Variants in NIPBL observed in about 807,000 individuals in gnomAD.
NIPBL encodes the protein nipped-B-like protein.
A neutral mutation model predicts 321.8 loss-of-function variants in NIPBL; 19 were observed. The observed-to-expected ratio is 0.06, with a 90% confidence interval of 0.04 to 0.09. NIPBL has a LOEUF of 0.09. Among genes scored for constraint, NIPBL ranks in the 10% least tolerant of loss-of-function variants. NIPBL has a pLI of 1.00. For missense variants in NIPBL, 2,210 were observed against 3,327.0 expected, an observed-to-expected ratio of 0.66 and a Z score of 8.26; for synonymous variants, 1,106 against 1,114.1, an observed-to-expected ratio of 0.99 and a Z score of 0.14.
chr5:37,013,034 C>A (rs112124808), intron 21 of NIPBL, among the ~76,000 whole-genome samples: 2 of 145,840 alleles, frequency 1.4e-5, no homozygotes, highest in African/African-American at 5.2e-5. Context: ...ACCTCCCGGA[C>A]GGGGGGCTGA....
intron 32 of NIPBL, among the ~76,000 whole-genome samples, 191 bp downstream of exon 32, chr5:37,027,603 G>GTTTTTTT (rs781358128): frequency 6.7e-4 from 47 of 69,758 alleles, no homozygotes; most frequent in Middle Eastern, 0.019. Context: ...CCTGGTTGTG[G>GTTTTTTT]TTTTTTTTTT....
At chr5:36,932,050 T>C (rs894314036) in intron 1 of NIPBL, among the ~76,000 whole-genome samples, 5 of 152,200 alleles carry the variant, frequency 3.3e-5, no homozygotes, top group Non-Finnish European at 5.9e-5. Context: ...CTTTGACCCA[T>C]TGATTTTCTC....
In NIPBL at chr5:37,015,460, T is replaced by TG. The variant is rs953159762; in HGVS notation, c.4644-577dup. 2.6e-4 allele frequency among the ~76,000 whole-genome samples: 39 copies of TG among 151,672 alleles called. 1 individual carries two copies. The highest frequency in any genetic ancestry group is 2.3e-3 in the Admixed American group (35 of 15,242). On this transcript the variant is annotated intron_variant, in intron 22 of 46. Transcript: ENST00000282516. Reference sequence around the variant, plus strand: ...AGAATTTATGATGACCTTGGCCAGGTGTGGTGGCTCACACCTGTAATCCCA... The same window carrying TG: ...AGAATTTATGATGACCTTGGCCAGGTGGTGGTGGCTCACACCTGTAATCCCA...
At chr5:36,977,088 G>A (rs566978520) in intron 9 of NIPBL, among the ~76,000 whole-genome samples, 1 of 152,072 alleles carries the variant, frequency 6.6e-6, no homozygotes, top group African/African-American at 2.4e-5. Flanking sequence ...TTCATAGTAA[G>A]TTCTTAGTAA....
Position 36,996,772 on chromosome 5 carries a change from A to G in NIPBL, c.3304+968A>G. On this transcript the variant is annotated intron_variant, in intron 11 of 46. Transcript: ENST00000282516. This position sits in a 1 kb window ranked among gnomAD's most constrained non-coding sequence, Gnocchi z 5.0. Reference sequence around the variant, plus strand: ...AGACCACCAGTGTTCTACTTTTTCCACCTAGTGTCCATAGATTGAGGTGTG... The same window carrying G: ...AGACCACCAGTGTTCTACTTTTTCCGCCTAGTGTCCATAGATTGAGGTGTG... 4.0e-6 allele frequency: 1 copy of G among 247,512 alleles called. No individual in the cohort carries two copies. Among genetic ancestry groups the G allele is most frequent in the Non-Finnish European group, 8.1e-6 (1 of 123,106 alleles). 15.3% of individuals were successfully genotyped at this position (247,512 alleles called of 1,614,324 possible). A position where few individuals can be genotyped will look rare whatever the true frequency, so the allele number is the denominator to read the frequency against.
chr5:36,976,464 A>C, intron 9 of NIPBL, 62 bp downstream of exon 9: 1 of 1,565,160 alleles, frequency 6.4e-7, no homozygotes, highest in Non-Finnish European at 8.6e-7. Context: ...TAGTGTCAAA[A>C]ATTTTTTTCA....
At chr5:36,988,671 A>G (rs769057378) in intron 10 of NIPBL, among the ~76,000 whole-genome samples, 1 of 152,172 alleles carries the variant, frequency 6.6e-6, no homozygotes, top group Admixed American at 6.5e-5. Flanking sequence ...GGAGATTCAC[A>G]GAAAATCACA....
At chr5:36,968,785 G>A (rs1225770289) in intron 6 of NIPBL, among the ~76,000 whole-genome samples, 1 of 152,186 alleles carries the variant, frequency 6.6e-6, no homozygotes, top group African/African-American at 2.4e-5. Flanking sequence ...AACAGGCCAT[G>A]AATGCCTATA....
Position 37,044,344 on chromosome 5 carries a change from T to C in NIPBL, c.6109-3T>C, listed in dbSNP as rs145778995. The C allele has an allele frequency of 5.5e-3, 8,794 of 1,613,020 alleles. 35 individuals carry two copies. The highest frequency in any genetic ancestry group is 6.3e-3 in the Non-Finnish European group (7,415 of 1,179,210). ...TCATAAAGCATTAATTTTATTCTTA[T>C]AGACGCAAAATGATTTCATGGTTAT... On this transcript the variant is annotated splice_region_variant and splice_polypyrimidine_tract_variant and intron_variant, in intron 34 of 46. Coordinates refer to ENST00000282516, the MANE Select transcript of NIPBL (RefSeq NM_133433.4).
intron 1 of NIPBL, among the ~76,000 whole-genome samples, chr5:36,898,584 T>G (rs544390841): frequency 6.7e-6 from 1 of 150,238 alleles, no homozygotes; most frequent in East Asian, 2.0e-4. Context: ...CGATCTCAGC[T>G]CACCACAACC....
At chr5:36,955,392 T>A in intron 2 of NIPBL, 80 bp from the exon 3 acceptor site, 1 of 1,213,648 alleles carries the variant, frequency 8.2e-7, no homozygotes, top group Admixed American at 1.7e-5. Context: ...TAACTTACTT[T>A]TAATCCCAAA....
At chr5:36,958,679 T>C (rs1284495496) in intron 4 of NIPBL, among the ~76,000 whole-genome samples, 1 of 152,140 alleles carries the variant, frequency 6.6e-6, no homozygotes, top group Non-Finnish European at 1.5e-5. Context: ...GGTTAAGTAT[T>C]ATTATTAAAG....
intron 20 of NIPBL, among the ~76,000 whole-genome samples, chr5:37,009,809 A>T (rs1317130617): frequency 6.6e-6 from 1 of 152,244 alleles, no homozygotes; most frequent in African/African-American, 2.4e-5. Context: ...AATGTTTAGT[A>T]GTAGTATGAA....
chr5:37,008,738 C>CA lies in NIPBL; in HGVS notation c.4421+16dup. The CA allele has an allele frequency of 7.7e-7, 1 of 1,306,030 alleles. No individual in the cohort carries two copies. Among genetic ancestry groups the CA allele is most frequent in the Non-Finnish European group, 1.1e-6 (1 of 899,192 alleles). The allele number at this position is 1,306,030 out of a possible 1,614,324, so 80.9% of individuals were successfully genotyped here. On this transcript the variant is annotated intron_variant, in intron 20 of 46. Transcript: ENST00000282516. ...AGGAACTTCAGGTAATTAATTATAA[C>CA]AGAGGTCAAGTTTAATGAAGAACCA... is the stretch of plus-strand genomic sequence containing the variant.
At chr5:36,988,231 C>T (rs1338670045) in intron 10 of NIPBL, among the ~76,000 whole-genome samples, 1 of 151,990 alleles carries the variant, frequency 6.6e-6, no homozygotes, top group Admixed American at 6.6e-5. Context: ...CACCAAAATG[C>T]GTTTCTGATA....
chr5:36,984,023 C>T (rs1744443332), intron 9 of NIPBL, among the ~76,000 whole-genome samples: 1 of 151,786 alleles, frequency 6.6e-6, no homozygotes, highest in Non-Finnish European at 1.5e-5. Context: ...TTTAAATTTA[C>T]TTCTATCTAA....
At chr5:36,973,115 CA>C (rs1200191713) in intron 8 of NIPBL, among the ~76,000 whole-genome samples, 1 of 152,088 alleles carries the variant, frequency 6.6e-6, no homozygotes, top group African/African-American at 2.4e-5. Flanking sequence ...CTTTAATTAT[CA>C]GTTTGTTGGA....
In NIPBL at chr5:37,065,268, G is replaced by C. The variant is rs1755264265; in HGVS notation, c.*376G>C. ...GGATGGCTTTCTTTAGCTTAGCCCA[G>C]TTTCCAGGGAAGCATTGTTTTTTCC... On this transcript the variant is annotated 3_prime_UTR_variant, in exon 47 of 47. Coordinates refer to ENST00000282516, the MANE Select transcript of NIPBL (RefSeq NM_133433.4). 1 of 218,242 alleles carries C rather than the reference G, an allele frequency of 4.6e-6. No homozygotes were observed. The highest frequency in any genetic ancestry group is 1.3e-4 in the East Asian group (1 of 7,508). The allele number at this position is 218,242 out of a possible 1,614,324, so 13.5% of individuals were successfully genotyped here. A position where few individuals can be genotyped will look rare whatever the true frequency, so the allele number is the denominator to read the frequency against.
chr5:36,907,096 C>CT (rs548276985), intron 1 of NIPBL, among the ~76,000 whole-genome samples: 80 of 152,228 alleles, frequency 5.3e-4, no homozygotes, highest in African/African-American at 1.8e-3. Flanking sequence ...AAGCAATGCT[C>CT]TGAGATTCTT....
Sources: allele counts gnomAD v4.1 joint callset (sites outside exome capture counted in the v4.1 genomes callset), GRCh38; gene constraint gnomAD v4.1.1; non-coding constraint Gnocchi (gnomAD v3.1); transcripts MANE v1.5; gene names NCBI Gene and HGNC (gene_info 2026-07-23, HGNC 2026-07-21).